GRIK1: variants seen among roughly 807,000 people sequenced by gnomAD.
GRIK1 encodes the protein glutamate ionotropic receptor kainate type subunit 1, also known as glutamate receptor ionotropic, kainate 1.
Under a neutral mutation model 105.7 loss-of-function variants are expected in GRIK1, and 69 were observed. The ratio of observed to expected loss-of-function variants is 0.65; its 90% CI spans 0.54 to 0.80. The LOEUF (loss-of-function observed/expected upper bound fraction) is 0.80, where lower values mean the gene tolerates loss of function less well. Among genes scored for constraint, GRIK1 ranks in the 30% least tolerant of loss-of-function variants. The pLI is 0.00. For synonymous variants in GRIK1, 438 were observed against 431.3 expected (o/e 1.02, Z -0.19); for missense variants, 1,109 against 1,167.3 (o/e 0.95, Z 0.73).
chr21:29,648,404 C>T (rs1000352898), intron 6 of GRIK1, among the ~76,000 whole-genome samples: 20 of 152,182 alleles, frequency 1.3e-4, no homozygotes, highest in African/African-American at 4.8e-4. Flanking sequence ...TGCACATTCA[C>T]ATATATCTTG....
chr21:29,884,714 A>T (rs993449670), intron 1 of GRIK1, among the ~76,000 whole-genome samples: 2 of 152,240 alleles, frequency 1.3e-5, no homozygotes, highest in Non-Finnish European at 2.9e-5. Flanking sequence ...AGTAGTTATT[A>T]TCTCCACCTT....
At chr21:29,756,800 G>T (rs2065355176) in intron 1 of GRIK1, among the ~76,000 whole-genome samples, 1 of 152,062 alleles carries the variant, frequency 6.6e-6, no homozygotes, top group Non-Finnish European at 1.5e-5. Context: ...ATATTTGTTC[G>T]TTTTAGTTTG....
At position 29,582,248 on chromosome 21, in the gene GRIK1, C is replaced by T. The variant is rs970205522; in HGVS notation, c.1794-705G>A. ...GTACACATTAGTATTAACTACATAG[C>T]ATGCCTCACTGCAGAATTTCAAATT... is the stretch of plus-strand genomic sequence containing the variant. On this transcript the variant is annotated intron_variant, in intron 12 of 17. Transcript: ENST00000327783. 3.4e-5 allele frequency: 15 copies of T among 446,834 alleles called. No individual in the cohort carries two copies. In the Middle Eastern group the frequency reaches 2.1e-3, roughly 61 times the overall value. The allele number at this position is 446,834 out of a possible 1,614,324, so 27.7% of individuals were successfully genotyped here.
intron 1 of GRIK1, among the ~76,000 whole-genome samples, chr21:29,728,352 G>A (rs546581001): frequency 3.9e-5 from 6 of 152,294 alleles, no homozygotes; most frequent in African/African-American, 1.2e-4. Flanking sequence ...GCCAAGGTCA[G>A]CAAGGCTCAG....
At chr21:29,695,959 C>A (rs747926391) in intron 1 of GRIK1, among the ~76,000 whole-genome samples, 1 of 152,152 alleles carries the variant, frequency 6.6e-6, no homozygotes, top group East Asian at 1.9e-4. Flanking sequence ...GCATCATGCG[C>A]GTCATTTATG....
chr21:29,762,379 T>G (rs529657591), intron 1 of GRIK1, among the ~76,000 whole-genome samples: 1 of 152,340 alleles, frequency 6.6e-6, no homozygotes, highest in East Asian at 1.9e-4. Flanking sequence ...TTAAAATGAT[T>G]AATTTATCAT....
At chr21:29,783,935 CTCTT>C (rs1442918509) in intron 1 of GRIK1, among the ~76,000 whole-genome samples, 7 of 152,022 alleles carry the variant, frequency 4.6e-5, no homozygotes. Flanking sequence ...TGTTTTTTTG[CTCTT>C]TGTTTTTTTT....
At chr21:29,828,568 C>T (rs934550341) in intron 1 of GRIK1, among the ~76,000 whole-genome samples, 1 of 152,054 alleles carries the variant, frequency 6.6e-6, no homozygotes, top group African/African-American at 2.4e-5. Flanking sequence ...GTGGCAGGAT[C>T]TTGGTTTATT....
At chr21:29,799,770 T>G (rs1601727083) in intron 1 of GRIK1, among the ~76,000 whole-genome samples, 1 of 152,284 alleles carries the variant, frequency 6.6e-6, no homozygotes, top group East Asian at 1.9e-4. Flanking sequence ...CCCCAAGTGA[T>G]CCACCTGCCT....
At chr21:29,733,476 T>C (rs2064692084) in intron 1 of GRIK1, among the ~76,000 whole-genome samples, 1 of 152,152 alleles carries the variant, frequency 6.6e-6, no homozygotes, top group Non-Finnish European at 1.5e-5. Flanking sequence ...CATAGTTTTA[T>C]AAATAAAGTT....
At chr21:29,547,630 C>T (rs1601078654) in intron 16 of GRIK1, among the ~76,000 whole-genome samples, 2 of 152,368 alleles carry the variant, frequency 1.3e-5, no homozygotes, top group East Asian at 3.9e-4. Context: ...CCATGCCCAT[C>T]GTTCAGAGTT....
intron 7 of GRIK1, among the ~76,000 whole-genome samples, chr21:29,639,068 C>T (rs2062455623): frequency 6.6e-6 from 1 of 152,212 alleles, no homozygotes; most frequent in Non-Finnish European, 1.5e-5. Flanking sequence ...CCTCACTCTC[C>T]TATCGAAACC....
intron 3 of GRIK1, among the ~76,000 whole-genome samples, chr21:29,683,817 G>A (rs1292369612): frequency 2.0e-5 from 3 of 152,130 alleles, no homozygotes; most frequent in Non-Finnish European, 4.4e-5. Flanking sequence ...CATATGCAAA[G>A]CCTCCATGAT....
chr21:29,602,092 C>T (rs1176949658), intron 7 of GRIK1, among the ~76,000 whole-genome samples: 1 of 152,138 alleles, frequency 6.6e-6, no homozygotes, highest in African/African-American at 2.4e-5. Context: ...GTTTTGCGGC[C>T]TTGGTTGAGT....
chr21:29,723,238 T>G (rs1341328789), intron 1 of GRIK1, among the ~76,000 whole-genome samples: 1 of 152,232 alleles, frequency 6.6e-6, no homozygotes, highest in East Asian at 1.9e-4. Context: ...TTCATTTCTT[T>G]AATTTAAAAT....
chr21:29,892,016 T>C (rs1957796535), intron 1 of GRIK1, among the ~76,000 whole-genome samples: 1 of 152,242 alleles, frequency 6.6e-6, no homozygotes, highest in Non-Finnish European at 1.5e-5. Flanking sequence ...ATTCTCATAA[T>C]GAAAGGACTT....
chr21:29,888,298 T>G (rs2069754357), intron 1 of GRIK1, among the ~76,000 whole-genome samples: 1 of 146,486 alleles, frequency 6.8e-6, no homozygotes, highest in Non-Finnish European at 1.5e-5. Flanking sequence ...GAGTTTCTCC[T>G]CTGTCACTAA....
rs148850035 is a variant in GRIK1, at chr21:29,634,085, C to T, written c.1098+8741G>A. Among the ~76,000 whole-genome samples the T allele has an allele frequency of 1.1e-3, 160 of 152,124 alleles. 1 individual carries two copies. Among genetic ancestry groups the T allele is most frequent in the African/African-American group, 3.7e-3 (153 of 41,494 alleles). On this transcript the variant is annotated intron_variant, in intron 7 of 17. Coordinates refer to ENST00000327783, the MANE Select transcript of GRIK1 (RefSeq NM_001330994.2). ...TATTTTCAATACTGTAATTTTTTAC[C>T]CAGATCCCATACAAAATCAGCCAAC...
intron 1 of GRIK1, among the ~76,000 whole-genome samples, chr21:29,705,479 T>G (rs1451512089): frequency 6.6e-6 from 1 of 152,240 alleles, no homozygotes; most frequent in Non-Finnish European, 1.5e-5. Context: ...AACCGTGACA[T>G]GCAGTGGAAT....
Sources: allele counts gnomAD v4.1 joint callset (sites outside exome capture counted in the v4.1 genomes callset), GRCh38; gene constraint gnomAD v4.1.1; transcripts MANE v1.5; gene names NCBI Gene and HGNC (gene_info 2026-07-23, HGNC 2026-07-21).